PARD3: variants seen among roughly 807,000 people sequenced by gnomAD.
The protein encoded by PARD3 is par-3 family cell polarity regulator, also known as partitioning defective 3 homolog.
In PARD3, 75 loss-of-function variants were observed where a neutral mutation model predicts 155.4. The observed-to-expected ratio is 0.48, with a 90% confidence interval of 0.40 to 0.58. The LOEUF (loss-of-function observed/expected upper bound fraction) is 0.58, where lower values mean the gene tolerates loss of function less well. Ranked by LOEUF, PARD3 falls within the 20% of genes least tolerant of loss-of-function variation. The probability of loss-of-function intolerance (pLI) is 0.00; values close to 1 mark genes in which losing one functional copy is unlikely to be tolerated. For synonymous variants in PARD3, 576 were observed against 610.5 expected (o/e 0.94, Z 0.83); for missense variants, 1,642 against 1,721.7 (o/e 0.95, Z 0.82).
intron 3 of PARD3, among the ~76,000 whole-genome samples, chr10:34,507,975 A>G (rs2081185968): frequency 6.6e-6 from 1 of 152,188 alleles, no homozygotes; most frequent in African/African-American, 2.4e-5. Context: ...AGAAAATAGT[A>G]CTCTGATACC....
intron 22 of PARD3, among the ~76,000 whole-genome samples, chr10:34,156,315 T>C (rs1588959209): frequency 6.6e-6 from 1 of 152,130 alleles, no homozygotes; most frequent in African/African-American, 2.4e-5. Context: ...CAGGCAGGTC[T>C]CAGACTCCAG....
At chr10:34,638,516 C>A (rs1179136289) in intron 2 of PARD3, among the ~76,000 whole-genome samples, 2 of 152,174 alleles carry the variant, frequency 1.3e-5, no homozygotes, top group Non-Finnish European at 2.9e-5. Context: ...ACTTTCATGA[C>A]AACATTCTAA....
chr10:34,555,244 T>G (rs921734308), intron 2 of PARD3, among the ~76,000 whole-genome samples: 6 of 152,234 alleles, frequency 3.9e-5, no homozygotes, highest in Admixed American at 3.9e-4. Flanking sequence ...TTTCTGTACC[T>G]TGCACTCAAT....
At chr10:34,579,844 G>C (rs1233127353) in intron 2 of PARD3, among the ~76,000 whole-genome samples, 1 of 150,300 alleles carries the variant, frequency 6.7e-6, no homozygotes, top group Admixed American at 6.7e-5. Flanking sequence ...CTGACCTTGT[G>C]ATCCGCCTGC....
chr10:34,225,103 C>T (rs1952519135), intron 22 of PARD3, among the ~76,000 whole-genome samples: 1 of 152,110 alleles, frequency 6.6e-6, no homozygotes, highest in Non-Finnish European at 1.5e-5. Flanking sequence ...TACTATGTTT[C>T]AGCCATTGAA....
intron 2 of PARD3, among the ~76,000 whole-genome samples, chr10:34,591,670 G>C (rs1030292746): frequency 4.6e-5 from 7 of 152,178 alleles, no homozygotes; most frequent in Non-Finnish European, 8.8e-5. Flanking sequence ...AGAATTCCCA[G>C]TGGGGAAACA....
intron 22 of PARD3, among the ~76,000 whole-genome samples, chr10:34,198,451 T>C (rs950713013): frequency 1.2e-4 from 15 of 123,340 alleles, no homozygotes; most frequent in Non-Finnish European, 2.3e-4. Context: ...AAATCACTAA[T>C]TGGTGTGTGT....
intron 2 of PARD3, among the ~76,000 whole-genome samples, chr10:34,649,298 C>T (rs539196245): frequency 2.0e-5 from 3 of 152,284 alleles, no homozygotes; most frequent in African/African-American, 7.2e-5. Context: ...TAAGGTAAAA[C>T]AGAAATGTGT....
chr10:34,772,081 C>T (rs1838947883), intron 1 of PARD3, among the ~76,000 whole-genome samples: 1 of 152,190 alleles, frequency 6.6e-6, no homozygotes, highest in East Asian at 1.9e-4. Flanking sequence ...TCCAGGGGTT[C>T]CTGCTTTCAC....
chr10:34,279,839 T>A (rs955604425), intron 21 of PARD3, among the ~76,000 whole-genome samples: 4 of 152,174 alleles, frequency 2.6e-5, no homozygotes, highest in Non-Finnish European at 5.9e-5. Context: ...GAACATTGAA[T>A]AATGGAAAGT....
chr10:34,574,387 T>G (rs527878570), intron 2 of PARD3, among the ~76,000 whole-genome samples: 1 of 152,286 alleles, frequency 6.6e-6, no homozygotes, highest in South Asian at 2.1e-4. Flanking sequence ...TAGACACTTG[T>G]CCATAATTCC....
chr10:34,426,114 A>G (rs1339430753), intron 5 of PARD3, among the ~76,000 whole-genome samples: 1 of 152,212 alleles, frequency 6.6e-6, no homozygotes, highest in East Asian at 1.9e-4. Flanking sequence ...CAACCGTACA[A>G]GTAATAGGTT....
At chr10:34,633,476 A>AC (rs1238724977) in intron 2 of PARD3, among the ~76,000 whole-genome samples, 1 of 152,146 alleles carries the variant, frequency 6.6e-6, no homozygotes, top group African/African-American at 2.4e-5. Flanking sequence ...ATTTCACCTA[A>AC]CACAATGTTC....
At chr10:34,199,771 A>G (rs1951121913) in intron 22 of PARD3, among the ~76,000 whole-genome samples, 1 of 152,176 alleles carries the variant, frequency 6.6e-6, no homozygotes, top group African/African-American at 2.4e-5. Context: ...ATTAATGAGA[A>G]CCGGAGAAAT....
At chr10:34,452,913 C>A (rs2132826813) in intron 4 of PARD3, among the ~76,000 whole-genome samples, 3 of 152,268 alleles carry the variant, frequency 2.0e-5, no homozygotes, top group Middle Eastern at 6.8e-3. Flanking sequence ...CTTATTGATA[C>A]AACATTTTTG....
intron 2 of PARD3, among the ~76,000 whole-genome samples, chr10:34,665,843 A>C (rs1322394419): frequency 9.7e-4 from 52 of 53,844 alleles, no homozygotes; most frequent in African/African-American, 3.7e-3. Context: ...TCAATTAAAG[A>C]ACAGAACAGA....
chr10:34,271,565 G>A (rs1408615094), intron 21 of PARD3, among the ~76,000 whole-genome samples: 1 of 152,144 alleles, frequency 6.6e-6, no homozygotes, highest in Non-Finnish European at 1.5e-5. Context: ...AAAGTTAAGA[G>A]CATCTACCAA....
intron 1 of PARD3, among the ~76,000 whole-genome samples, chr10:34,708,683 C>A (rs1333495570): frequency 6.6e-6 from 1 of 151,988 alleles, no homozygotes; most frequent in African/African-American, 2.4e-5. Flanking sequence ...AGAAATTTTT[C>A]AAGAGAAAAC....
At chr10:34,712,607 G>A (rs1384119530) in intron 1 of PARD3, among the ~76,000 whole-genome samples, 1 of 152,156 alleles carries the variant, frequency 6.6e-6, no homozygotes, top group African/African-American at 2.4e-5. Flanking sequence ...ACGCTAACCT[G>A]GAAATCCACA....
Sources: gnomAD v4.1 joint callset for allele counts (sites outside exome capture counted in the v4.1 genomes callset) on GRCh38, gnomAD v4.1.1 for gene constraint, MANE v1.5 for transcripts, NCBI Gene and HGNC (gene_info 2026-07-23, HGNC 2026-07-21) for gene names.